PLCG2: variants seen among roughly 807,000 people sequenced by gnomAD.
PLCG2 encodes 1-phosphatidylinositol 4,5-bisphosphate phosphodiesterase gamma-2.
A neutral mutation model predicts 175.6 loss-of-function variants in PLCG2; 69 were observed. The observed-to-expected ratio is 0.39, with a 90% CI of 0.32 to 0.48. The LOEUF (loss-of-function observed/expected upper bound fraction) is 0.48, where lower values mean the gene tolerates loss of function less well. PLCG2 is among the 20% of genes least tolerant of loss of function. The pLI is 0.91. For missense variants in PLCG2, 1,798 were observed against 1,650.9 expected (o/e 1.09, Z -1.54); for synonymous variants, 827 against 624.0 (o/e 1.33, Z -4.85).
chr16:81,838,724 A>G (rs990725968), intron 2 of PLCG2, among the ~76,000 whole-genome samples: 8 of 151,636 alleles, frequency 5.3e-5, no homozygotes, highest in Admixed American at 1.3e-4. Context: ...AGGTATGCCT[A>G]TGTAACAAAC....
chr16:81,801,765 C>G (rs1165579103), intron 2 of PLCG2, among the ~76,000 whole-genome samples: 1 of 152,080 alleles, frequency 6.6e-6, no homozygotes, highest in Non-Finnish European at 1.5e-5. Flanking sequence ...ACTGCAACCT[C>G]CGCCTCCAGG....
chr16:81,928,784 A>T (rs1910383841), intron 24 of PLCG2, 160 bp downstream of exon 24: 2 of 612,926 alleles, frequency 3.3e-6, no homozygotes, highest in Admixed American at 5.2e-5. Context: ...CTGGTCAGTG[A>T]GTATGATGCT....
At chr16:81,936,414 G>C (rs369721663) in intron 27 of PLCG2, 36 bp downstream of exon 27, 26 of 1,572,368 alleles carry the variant, frequency 1.7e-5, no homozygotes, top group Non-Finnish European at 2.3e-5. Context: ...GTCCCTGCAA[G>C]GTGGCGGTTG....
At chr16:81,773,731 A>T (rs546048794) in intron 2 of PLCG2, among the ~76,000 whole-genome samples, 2 of 152,242 alleles carry the variant, frequency 1.3e-5, no homozygotes, top group South Asian at 4.1e-4. Context: ...GGACTTGGAT[A>T]TGCGTTCGCA....
chr16:81,756,831 C>G (rs1048792269), intron 2 of PLCG2, among the ~76,000 whole-genome samples: 2 of 152,188 alleles, frequency 1.3e-5, no homozygotes, highest in Non-Finnish European at 2.9e-5. Flanking sequence ...GCTGCCTTAT[C>G]CTGCTTCTTC....
chr16:81,768,565 T>C (rs1910203599), intron 2 of PLCG2, among the ~76,000 whole-genome samples: 2 of 143,316 alleles, frequency 1.4e-5, no homozygotes, highest in African/African-American at 2.7e-5. Context: ...TTTTTTTTTT[T>C]TTTTTTTTTT....
chr16:81,856,986 C>A (rs1393608949), intron 3 of PLCG2, among the ~76,000 whole-genome samples: 2 of 152,216 alleles, frequency 1.3e-5, no homozygotes, highest in African/African-American at 2.4e-5. Flanking sequence ...TAAACAGATT[C>A]TTCCCCAGAG....
rs140002444 is a variant in PLCG2 at position 81,752,213 on chromosome 16, T to C, written c.-144-3657T>C. ...ACTGCGTCTCAGAGTTCCCTGATGC[T>C]GGAAGCCTGGAGGCCCTCACAATTC... is the stretch of plus-strand genomic sequence containing the variant. On this transcript the variant is annotated intron_variant, in intron 1 of 5. Coordinates refer to the PLCG2 transcript ENST00000565054. Among the ~76,000 whole-genome samples the C allele has an allele frequency of 8.4e-3, 1,273 of 152,212 alleles. 16 individuals carry two copies. The highest frequency in any genetic ancestry group is 0.029 in the African/African-American group (1,187 of 41,536).
intron 2 of PLCG2, among the ~76,000 whole-genome samples, chr16:81,788,300 A>T (rs189954220): frequency 1.1e-4 from 17 of 152,298 alleles, no homozygotes; most frequent in Admixed American, 9.1e-4. Flanking sequence ...ATATTTTAAT[A>T]GACAGAGTCT....
At chr16:81,864,676 G>A (rs1907142201) in intron 5 of PLCG2, among the ~76,000 whole-genome samples, 1 of 152,206 alleles carries the variant, frequency 6.6e-6, no homozygotes, top group African/African-American at 2.4e-5. Context: ...CTTGACGAAT[G>A]TTTCTTATTG....
intron 2 of PLCG2, among the ~76,000 whole-genome samples, chr16:81,836,751 C>T (rs1015962119): frequency 5.9e-5 from 9 of 152,158 alleles, no homozygotes; most frequent in Non-Finnish European, 1.3e-4. Flanking sequence ...AAAACGAGTG[C>T]AAACTTTGGA....
At chr16:81,931,348 C>G in intron 24 of PLCG2, 149 bp from the exon 25 acceptor site, 1 of 645,450 alleles carries the variant, frequency 1.5e-6, no homozygotes. Context: ...GTACTTACCC[C>G]GATGGAAAGT....
At chr16:81,868,701 T>C (rs973649508) in intron 5 of PLCG2, among the ~76,000 whole-genome samples, 2 of 152,244 alleles carry the variant, frequency 1.3e-5, no homozygotes, top group African/African-American at 2.4e-5. Context: ...AACACCTATA[T>C]TGGGCCTTTG....
chr16:81,927,167 C>G lies in PLCG2; in HGVS notation c.2503C>G (p.Leu835Val), dbSNP rs186829827. The G allele has an allele frequency of 1.9e-6, 3 of 1,610,880 alleles. No homozygotes were observed. The highest frequency in any genetic ancestry group is 2.2e-5 in the East Asian group (1 of 44,858). Residue 835 changes from leucine to valine, a missense_variant, in exon 23 of 33, where the codon CTA becomes GTA. Leu to Val is a conservative substitution (Grantham distance 32, BLOSUM62 1). Transcript: ENST00000564138. ...CATCTCAACTGCAGACTTCGAGGAG[C>G]TAGAAAAGCAGGTGAGTCCCCCTCT... is the stretch of plus-strand genomic sequence containing the variant. ...EDISTADFEELEKQIIEDNPL... is the reference protein window; with the variant it reads ...EDISTADFEEVEKQIIEDNPL...
chr16:81,863,689 A>C (rs931448777), intron 5 of PLCG2, among the ~76,000 whole-genome samples: 1 of 152,246 alleles, frequency 6.6e-6, no homozygotes, highest in African/African-American at 2.4e-5. Flanking sequence ...AAGGCAGTGC[A>C]CAGGTTTCTG....
At chr16:81,854,622 G>C in intron 3 of PLCG2, 35 bp downstream of exon 3, 1 of 1,597,298 alleles carries the variant, frequency 6.3e-7, no homozygotes. Context: ...CTCCTTCCCT[G>C]TGCCTTAGTG....
At chr16:81,782,075 A>C (rs1910760872) in intron 1 of PLCG2, among the ~76,000 whole-genome samples, 1 of 151,964 alleles carries the variant, frequency 6.6e-6, no homozygotes, top group Non-Finnish European at 1.5e-5. Flanking sequence ...ACGGGGTTTC[A>C]TCGTGTTAGC....
At chr16:81,885,623 A>C (rs1035579642) in intron 9 of PLCG2, among the ~76,000 whole-genome samples, 1 of 125,046 alleles carries the variant, frequency 8.0e-6, no homozygotes, top group Non-Finnish European at 1.8e-5. Context: ...CACAGATAGA[A>C]CTTTTTTTTT....
intron 5 of PLCG2, among the ~76,000 whole-genome samples, chr16:81,867,740 C>G (rs1907313803): frequency 6.6e-6 from 1 of 152,070 alleles, no homozygotes; most frequent in South Asian, 2.1e-4. Flanking sequence ...CTCTGTCACC[C>G]AGGCTGGAGT....
Sources: allele counts gnomAD v4.1 joint callset (sites outside exome capture counted in the v4.1 genomes callset), GRCh38; gene constraint gnomAD v4.1.1; transcripts MANE v1.5; gene names NCBI Gene and HGNC (gene_info 2026-07-23, HGNC 2026-07-21).